AHCYL2: variants seen among roughly 807,000 people sequenced by gnomAD.
The protein encoded by AHCYL2 is adenosylhomocysteinase like 2.
A neutral mutation model predicts 81.4 loss-of-function variants in AHCYL2; 28 were observed. The observed-to-expected ratio is 0.34, with a 90% CI of 0.25 to 0.47. AHCYL2 has a LOEUF of 0.47. Ranked by LOEUF, AHCYL2 falls within the 20% of genes least tolerant of loss-of-function variation. The pLI, the probability that AHCYL2 is intolerant of heterozygous loss-of-function variation, is 1.00. For synonymous variants in AHCYL2, 272 were observed against 290.2 expected (o/e 0.94, Z 0.64); for missense variants, 551 against 785.1 (o/e 0.70, Z 3.56).
intron 1 of AHCYL2, among the ~76,000 whole-genome samples, chr7:129,284,530 C>T (rs1458568259): frequency 6.9e-6 from 1 of 144,666 alleles, no homozygotes; most frequent in Non-Finnish European, 1.5e-5. Flanking sequence ...ACCCAGGAGG[C>T]AGAGGTTACA....
chr7:129,304,781 T>C (rs558783121), intron 1 of AHCYL2, among the ~76,000 whole-genome samples: 4 of 152,260 alleles, frequency 2.6e-5, no homozygotes, highest in African/African-American at 4.8e-5. Flanking sequence ...TCTTTAAAGG[T>C]GAAGTGTGTT....
chr7:129,408,472 A>C (rs755432221), intron 10 of AHCYL2, among the ~76,000 whole-genome samples: 1 of 152,212 alleles, frequency 6.6e-6, no homozygotes, highest in Non-Finnish European at 1.5e-5. Flanking sequence ...TTGGATGAAC[A>C]GTGATGCTAT....
At chr7:129,422,638 C>T (rs573137996) in intron 12 of AHCYL2, among the ~76,000 whole-genome samples, 17 of 152,268 alleles carry the variant, frequency 1.1e-4, no homozygotes, top group Non-Finnish European at 7.4e-5. Context: ...GGAATGACAT[C>T]CTGAGTGATC....
chr7:129,331,471 A>G (rs1798418339), intron 1 of AHCYL2, among the ~76,000 whole-genome samples: 2 of 152,242 alleles, frequency 1.3e-5, no homozygotes, highest in African/African-American at 4.8e-5. Flanking sequence ...GCCACATAAT[A>G]TATTGTAGAA....
intron 1 of AHCYL2, among the ~76,000 whole-genome samples, chr7:129,240,145 G>A (rs1794797630): frequency 6.6e-6 from 1 of 151,942 alleles, no homozygotes; most frequent in Non-Finnish European, 1.5e-5. Context: ...AACCCGGGAG[G>A]TGGAGGTTGC....
At chr7:129,365,962 A>G (rs1192042145) in intron 1 of AHCYL2, among the ~76,000 whole-genome samples, 1 of 152,138 alleles carries the variant, frequency 6.6e-6, no homozygotes, top group Non-Finnish European at 1.5e-5. Flanking sequence ...GAAATACACC[A>G]TTGGCAATTT....
chr7:129,259,672 C>G (rs2150713950), intron 1 of AHCYL2, among the ~76,000 whole-genome samples: 1 of 152,316 alleles, frequency 6.6e-6, no homozygotes, highest in South Asian at 2.1e-4. Context: ...TAACTTCCCT[C>G]AACCTCAGTT....
chr7:129,389,699 A>G lies in AHCYL2; in HGVS notation c.685A>G (p.Ile229Val), dbSNP rs1260506448. The G allele has an allele frequency of 6.2e-7, 1 of 1,613,878 alleles. No individual in the cohort carries two copies. The highest frequency in any genetic ancestry group is 1.7e-5 in the Admixed American group (1 of 59,986). Residue 229 changes from isoleucine to valine, a missense_variant, in exon 4 of 17, where the codon ATC becomes GTC. Physicochemically the swap from Ile to Val is conservative, Grantham distance 29. Around this residue, in one of 2 missense-constraint regions of AHCYL2, gnomAD observed 316 missense variants for 543.1 expected, o/e 0.58. Coordinates refer to ENST00000325006, the MANE Select transcript of AHCYL2 (RefSeq NM_015328.4). ...AGAAAAGCCTTTGGCTGGAGCCAAA[A>G]TCGTGGGTTGCACACACATCACTGC... ...QGEKPLAGAKIVGCTHITAQT... is the reference protein window; with the variant it reads ...QGEKPLAGAKVVGCTHITAQT...
chr7:129,322,996 C>T (rs1460317360), intron 1 of AHCYL2, among the ~76,000 whole-genome samples: 10 of 152,166 alleles, frequency 6.6e-5, no homozygotes, highest in African/African-American at 9.7e-5. Flanking sequence ...TTCTCCTGAT[C>T]GGTCTGACTA....
At chr7:129,242,132 G>A (rs1323673447) in intron 1 of AHCYL2, among the ~76,000 whole-genome samples, 1 of 151,922 alleles carries the variant, frequency 6.6e-6, no homozygotes, top group Non-Finnish European at 1.5e-5. Context: ...TAGAGTTTTA[G>A]CCAGTTTGAT....
At chr7:129,410,036 A>G (rs1462456862) in intron 11 of AHCYL2, 1 of 931,556 alleles carries the variant, frequency 1.1e-6, no homozygotes, top group Non-Finnish European at 1.6e-6. Flanking sequence ...GCAAGCACTC[A>G]ATTCTCTAAA....
At chr7:129,250,268 G>A (rs1795204965) in intron 1 of AHCYL2, among the ~76,000 whole-genome samples, 1 of 152,186 alleles carries the variant, frequency 6.6e-6, no homozygotes, top group Non-Finnish European at 1.5e-5. Flanking sequence ...GTGAGACCCT[G>A]TCTCAAAAAC....
intron 1 of AHCYL2, among the ~76,000 whole-genome samples, chr7:129,243,413 T>C (rs1794936132): frequency 6.6e-6 from 1 of 152,172 alleles, no homozygotes; most frequent in Non-Finnish European, 1.5e-5. Flanking sequence ...ATGACTTTTA[T>C]TAAAAAGTTA....
At chr7:129,293,640 TAAAA>T (rs917215118) in intron 1 of AHCYL2, among the ~76,000 whole-genome samples, 2 of 147,298 alleles carry the variant, frequency 1.4e-5, no homozygotes, top group Non-Finnish European at 1.5e-5. Flanking sequence ...CCCCTCCCCC[TAAAA>T]AAAAAACCCC....
At chr7:129,287,150 A>C (rs1796663328) in intron 1 of AHCYL2, among the ~76,000 whole-genome samples, 1 of 152,216 alleles carries the variant, frequency 6.6e-6, no homozygotes, top group African/African-American at 2.4e-5. Flanking sequence ...ATGTGTTGCC[A>C]CACATCTTGT....
At chr7:129,391,276 C>T (rs1294048368) in intron 4 of AHCYL2, among the ~76,000 whole-genome samples, 1 of 152,198 alleles carries the variant, frequency 6.6e-6, no homozygotes, top group Middle Eastern at 3.2e-3. Context: ...TCTTCATTTA[C>T]ATAGCTGTTA....
intron 2 of AHCYL2, among the ~76,000 whole-genome samples, chr7:129,380,718 G>T (rs892135781): frequency 6.6e-6 from 1 of 152,102 alleles, no homozygotes; most frequent in African/African-American, 2.4e-5. Context: ...TAAAGATACA[G>T]AATCTTGTAC....
In AHCYL2 at chr7:129,239,961, C is replaced by T. The variant is rs527927250; in HGVS notation, c.363+14522C>T. Reference sequence around the variant, plus strand: ...ACGGCTGGCCGGACGCGGTGGCTCACGCCTGTAATCCTAGCACTTTAGGAG... The same window carrying T: ...ACGGCTGGCCGGACGCGGTGGCTCATGCCTGTAATCCTAGCACTTTAGGAG... On this transcript the variant is annotated intron_variant, in intron 1 of 16. Coordinates refer to ENST00000325006, the MANE Select transcript of AHCYL2 (RefSeq NM_015328.4). Among the ~76,000 whole-genome samples the T allele has an allele frequency of 7.4e-4, 112 of 152,164 alleles. 1 individual carries two copies. The highest frequency in any genetic ancestry group is 2.6e-3 in the African/African-American group (107 of 41,540).
intron 1 of AHCYL2, among the ~76,000 whole-genome samples, chr7:129,231,955 G>T (rs1260306094): frequency 6.6e-6 from 1 of 151,406 alleles, no homozygotes; most frequent in African/African-American, 2.4e-5. Flanking sequence ...TTTTTCAAGG[G>T]TCTATCAGTA....
Sources: gnomAD v4.1 joint callset for allele counts (sites outside exome capture counted in the v4.1 genomes callset) on GRCh38, gnomAD v4.1.1 for gene constraint, gnomAD v4.1.1 regional missense constraint, MANE v1.5 for transcripts, NCBI Gene and HGNC (gene_info 2026-07-23, HGNC 2026-07-21) for gene names.